Variants in ANKRD31 observed in about 807,000 individuals in gnomAD.
ANKRD31 encodes the protein ankyrin repeat domain 31, also known as ankyrin repeat domain-containing protein 31.
In ANKRD31, 147 loss-of-function variants were observed where a neutral mutation model predicts 186.0. That is an observed-to-expected ratio of 0.79 (90% CI 0.69 to 0.91). The LOEUF is 0.91. Among genes scored for constraint, ANKRD31 ranks in the 40% least tolerant of loss-of-function variants. ANKRD31 has a pLI of 0.00. For synonymous variants in ANKRD31, 673 were observed against 736.4 expected, an observed-to-expected ratio of 0.91 and a Z score of 1.39; for missense variants, 1,986 against 2,148.8, an observed-to-expected ratio of 0.92 and a Z score of 1.50.
At chr5:75,179,497 CA>C (rs1368541788) in intron 10 of ANKRD31, among the ~76,000 whole-genome samples, 1 of 152,186 alleles carries the variant, frequency 6.6e-6, no homozygotes, top group Non-Finnish European at 1.5e-5. Flanking sequence ...AAAATACTGG[CA>C]AACCGAATCC....
At chr5:75,220,363 G>A (rs960797527) in intron 3 of ANKRD31, among the ~76,000 whole-genome samples, 5 of 152,116 alleles carry the variant, frequency 3.3e-5, no homozygotes, top group Admixed American at 1.3e-4. Flanking sequence ...GGCAATGGCC[G>A]GGAACGGTGG....
intron 25 of ANKRD31, among the ~76,000 whole-genome samples, chr5:75,076,432 A>G (rs991840248): frequency 3.9e-5 from 6 of 152,162 alleles, no homozygotes; most frequent in African/African-American, 1.2e-4. Flanking sequence ...TAGAAGATAC[A>G]ACTCAGGAAC....
Position 75,196,036 on chromosome 5 carries a change from G to T in ANKRD31, c.612C>A (p.Thr204=), listed in dbSNP as rs371941918. The T allele has an allele frequency of 1.3e-4, 198 of 1,535,686 alleles. 3 individuals carry two copies. Among genetic ancestry groups the T allele is most frequent in the South Asian group, 2.9e-4 (24 of 83,752 alleles). Residue 204 remains threonine (T), a synonymous_variant, in exon 7 of 26, where the codon ACC becomes ACA. Coordinates refer to ENST00000506364, the MANE Select transcript of ANKRD31 (RefSeq NM_001372053.1). ...CATCCTTAGTTTCTTCAGAAGTCAT[G>T]GTCATTGTGACTTCCTTTCTAGGCT... ...FFEPRKEVTM[T]MTSEETKDEE... is the part of the protein sequence containing the mutation.
At chr5:75,112,823 T>C (rs1353517194) in intron 19 of ANKRD31, among the ~76,000 whole-genome samples, 1 of 152,062 alleles carries the variant, frequency 6.6e-6, no homozygotes, top group African/African-American at 2.4e-5. Flanking sequence ...ATGTAGTAGA[T>C]CTCCTGGAAA....
Position 75,188,641 on chromosome 5 carries a change from C to T in ANKRD31, c.1416G>A (p.Met472Ile). The T allele has an allele frequency of 2.0e-6, 3 of 1,526,234 alleles. No homozygotes were observed. The highest frequency in any genetic ancestry group is 1.7e-6 in the Non-Finnish European group (2 of 1,143,378). 94.5% of individuals were successfully genotyped at this position (1,526,234 alleles called of 1,614,324 possible). A position where few individuals can be genotyped will look rare whatever the true frequency, so the allele number is the denominator to read the frequency against. Residue 472 changes from methionine to isoleucine, a missense_variant, in exon 10 of 26, where the codon ATG (methionine) becomes ATA (isoleucine). Physicochemically the swap from Met to Ile is conservative, Grantham distance 10. Coordinates refer to ENST00000506364, the MANE Select transcript of ANKRD31 (RefSeq NM_001372053.1). ...TATGAAGAGATATTTTGTTCACCTT[C>T]ATTTTTTCTGAAATGAGGGAATGAA... ...NEQFSGKKEK[M>I]KVNKISLHSI...
intron 21 of ANKRD31, among the ~76,000 whole-genome samples, chr5:75,107,031 AT>A (rs1448329426): frequency 6.6e-6 from 1 of 151,856 alleles, no homozygotes; most frequent in African/African-American, 2.4e-5. Context: ...AACATGTAAC[AT>A]TTTTTTCACA....
intron 17 of ANKRD31, among the ~76,000 whole-genome samples, chr5:75,133,518 C>T (rs1750059635): frequency 6.6e-6 from 1 of 152,118 alleles, no homozygotes; most frequent in Non-Finnish European, 1.5e-5. Context: ...CATAAAGCAA[C>T]TCCTTAGTGT....
At chr5:75,080,486 T>C in intron 25 of ANKRD31, 82 bp downstream of exon 25, 1 of 900,850 alleles carries the variant, frequency 1.1e-6, no homozygotes, top group Non-Finnish European at 1.6e-6. Flanking sequence ...TATTTGACAA[T>C]CTATTTGATC....
At chr5:75,225,725 C>A (rs1433775812) in intron 2 of ANKRD31, 2 of 159,364 alleles carry the variant, frequency 1.3e-5, no homozygotes, top group African/African-American at 4.8e-5. Flanking sequence ...AGCACATTGA[C>A]AGCTGTGGTG....
chr5:75,094,955 T>C (rs761515375), intron 22 of ANKRD31, among the ~76,000 whole-genome samples: 5 of 152,156 alleles, frequency 3.3e-5, no homozygotes, highest in Non-Finnish European at 7.3e-5. Context: ...CATTTTATAA[T>C]GCTAAGAGGC....
At chr5:75,148,229 T>C (rs1580432814) in intron 13 of ANKRD31, among the ~76,000 whole-genome samples, 1 of 151,966 alleles carries the variant, frequency 6.6e-6, no homozygotes, top group East Asian at 1.9e-4. Context: ...AAGTACTAGA[T>C]GAAGAGTAAC....
At position 75,103,325 on chromosome 5, in the gene ANKRD31, C is replaced by T. The variant is rs12654687; in HGVS notation, c.5331+903G>A. Among the ~76,000 whole-genome samples, 505 of 152,144 alleles carry T rather than the reference C, an allele frequency of 3.3e-3. 8 individuals are homozygous for T. In the East Asian group the frequency reaches 0.061, roughly 18 times the overall value. ...TACCCTCTCACACCACTCAGAACAG[C>T]GATTATTAAAAAGTCAAGAAACAAC... On this transcript the variant is annotated intron_variant, in intron 22 of 25. Coordinates refer to ENST00000506364, the MANE Select transcript of ANKRD31 (RefSeq NM_001372053.1).
intron 25 of ANKRD31, among the ~76,000 whole-genome samples, chr5:75,074,853 C>A (rs972758806): frequency 1.3e-5 from 2 of 152,106 alleles, no homozygotes; most frequent in African/African-American, 4.8e-5. Flanking sequence ...TGAATCATTT[C>A]AGGAAAATAA....
rs1755456734 is a variant in ANKRD31 at position 75,196,208 on chromosome 5, T to C, written c.448-8A>G. On this transcript the variant is annotated splice_region_variant and splice_polypyrimidine_tract_variant and intron_variant, in intron 6 of 25. Transcript: ENST00000506364. ...TCTGCCTTCACTTAGTTCCTGTGTA[T>C]TACAAATAGAAATTACATCATTACA... 3.5e-6 allele frequency: 5 copies of C among 1,442,650 alleles called. No homozygotes were observed. Among genetic ancestry groups the C allele is most frequent in the Non-Finnish European group, 4.5e-6 (5 of 1,105,158 alleles). The allele number at this position is 1,442,650 out of a possible 1,614,324, so 89.4% of individuals were successfully genotyped here.
chr5:75,113,932 T>C (rs560356511), intron 19 of ANKRD31, among the ~76,000 whole-genome samples: 1 of 152,284 alleles, frequency 6.6e-6, no homozygotes, highest in Admixed American at 6.5e-5. Flanking sequence ...AGAAAACATC[T>C]TTTGGTGCCA....
chr5:75,145,896 G>T, intron 14 of ANKRD31, 91 bp downstream of exon 14: 1 of 1,134,212 alleles, frequency 8.8e-7, no homozygotes, highest in Non-Finnish European at 1.2e-6. Flanking sequence ...TCTCAGTTTG[G>T]CCATCGTTTG....
chr5:75,209,601 TG>T lies in ANKRD31; in HGVS notation c.326+1226del, dbSNP rs142546385. On this transcript the variant is annotated intron_variant, in intron 4 of 25. Coordinates refer to ENST00000506364, the MANE Select transcript of ANKRD31 (RefSeq NM_001372053.1). ...CTGAGGCACAAGAATTGCTTGAATC[TG>T]GCAGACAGAGGTTGCAGTGACCCGA... is the stretch of plus-strand genomic sequence containing the variant. 8.0e-3 allele frequency among the ~76,000 whole-genome samples: 1,220 copies of T among 152,174 alleles called. 27 individuals carry two copies. Among genetic ancestry groups the T allele is most frequent in the African/African-American group, 0.027 (1,129 of 41,534 alleles).
intron 11 of ANKRD31, among the ~76,000 whole-genome samples, chr5:75,158,328 A>G (rs1752335151): frequency 6.6e-6 from 1 of 152,202 alleles, no homozygotes; most frequent in Non-Finnish European, 1.5e-5. Context: ...AACCAGGATA[A>G]AGATAAAAAC....
At chr5:75,078,536 G>A (rs982862449) in intron 25 of ANKRD31, among the ~76,000 whole-genome samples, 1 of 152,036 alleles carries the variant, frequency 6.6e-6, no homozygotes, top group Non-Finnish European at 1.5e-5. Flanking sequence ...TGATGGCTTG[G>A]GAAATAAAAG....
Sources: allele counts gnomAD v4.1 joint callset (sites outside exome capture counted in the v4.1 genomes callset), GRCh38; gene constraint gnomAD v4.1.1; transcripts MANE v1.5; gene names NCBI Gene and HGNC (gene_info 2026-07-23, HGNC 2026-07-21).